SUSD6: variants seen among roughly 807,000 people sequenced by gnomAD.
SUSD6 encodes the protein sushi domain-containing protein 6.
In SUSD6, 16 loss-of-function variants were observed where a neutral mutation model predicts 28.4. That is an observed-to-expected ratio of 0.56 (90% CI 0.38 to 0.86). The LOEUF is 0.86. SUSD6 is among the 40% of genes least tolerant of loss of function. The pLI, the probability that SUSD6 is intolerant of heterozygous loss-of-function variation, is 0.00. For missense variants in SUSD6, 341 were observed against 384.2 expected (o/e 0.89, Z 0.94); for synonymous variants, 147 against 159.6 (o/e 0.92, Z 0.59).
In SUSD6 at chr14:69,702,006, A is replaced by AG. The variant is rs1254168485; in HGVS notation, c.122-1387dup. On this transcript the variant is annotated intron_variant, in intron 2 of 5. Transcript: ENST00000342745. ...TGGAAAGAAGAGGCATGGGTGAGAG[A>AG]GGCTGTGAGGGCACAGCTGCAGGGT... Among the ~76,000 whole-genome samples, 18 of 152,184 alleles carry AG rather than the reference A, an allele frequency of 1.2e-4. 1 individual carries two copies. The Middle Eastern group carries it at 0.017, about 144-fold the overall frequency.
chr14:69,648,594 G>A (rs1463116881), intron 1 of SUSD6, among the ~76,000 whole-genome samples: 1 of 152,208 alleles, frequency 6.6e-6, no homozygotes, highest in African/African-American at 2.4e-5. Flanking sequence ...GAATGTAGCA[G>A]AAGGCCTGAG....
At chr14:69,675,049 C>A (rs1420693649) in intron 2 of SUSD6, among the ~76,000 whole-genome samples, 1 of 152,106 alleles carries the variant, frequency 6.6e-6, no homozygotes. Context: ...CCCCCCCACC[C>A]CTCTGCTTTA....
intron 1 of SUSD6, among the ~76,000 whole-genome samples, chr14:69,616,375 C>T (rs1595027829): frequency 6.6e-6 from 1 of 152,158 alleles, no homozygotes; most frequent in African/African-American, 2.4e-5. Context: ...TGTGGAATTG[C>T]CCTTTATGTA....
In SUSD6 at chr14:69,692,676, A is replaced by G. The variant is rs1163611048; in HGVS notation, c.122-10719A>G. On this transcript the variant is annotated intron_variant, in intron 2 of 5. Coordinates refer to ENST00000342745, the MANE Select transcript of SUSD6 (RefSeq NM_014734.4). ...TGTGTTTCTTGAGGCCCTGCTGTGT[A>G]TGCCTGGGACTGTACTTGGCATTAG... Among the ~76,000 whole-genome samples, 5 of 152,178 alleles carry G rather than the reference A, an allele frequency of 3.3e-5. No homozygotes were observed. The East Asian group carries it at 5.8e-4, about 18-fold the overall frequency.
rs962520496 is a variant in SUSD6 at position 69,711,405 on chromosome 14, C to T, written c.*426C>T. On this transcript the variant is annotated 3_prime_UTR_variant, in exon 6 of 6. Transcript: ENST00000342745. Reference sequence around the variant, plus strand: ...TGTCATGCAGACTTGTTGCTGTCCACAAGCCTTAGTGGCTGCACTGCTGCC... The same window carrying T: ...TGTCATGCAGACTTGTTGCTGTCCATAAGCCTTAGTGGCTGCACTGCTGCC... 8 of 200,066 alleles carry T rather than the reference C, an allele frequency of 4.0e-5. No homozygotes were observed. The highest frequency in any genetic ancestry group is 5.2e-5 in the Non-Finnish European group (5 of 96,736). The allele number at this position is 200,066 out of a possible 1,614,324, so 12.4% of individuals were successfully genotyped here.
chr14:69,673,685 A>G (rs74060268), intron 2 of SUSD6, among the ~76,000 whole-genome samples: 1,552 of 152,132 alleles, frequency 0.01, 27 homozygotes, highest in African/African-American at 0.035. Flanking sequence ...GATCATTTTC[A>G]TTTCCTATTC....
In SUSD6 at chr14:69,709,107, G is replaced by A; in HGVS notation, c.886+3G>A. On this transcript the variant is annotated splice_donor_region_variant and intron_variant, in intron 5 of 5. Coordinates refer to ENST00000342745, the MANE Select transcript of SUSD6 (RefSeq NM_014734.4). ...CACGTCAGAGGAGTACACAGATGGT[G>A]AGTGGTCCAAGCTGAACATGAATTA... 1 of 1,571,542 alleles carries A rather than the reference G, an allele frequency of 6.4e-7. No individual in the cohort carries two copies. The highest frequency in any genetic ancestry group is 8.6e-7 in the Non-Finnish European group (1 of 1,157,212).
At chr14:69,655,559 G>A (rs1885569810) in intron 1 of SUSD6, among the ~76,000 whole-genome samples, 1 of 152,106 alleles carries the variant, frequency 6.6e-6, no homozygotes, top group African/African-American at 2.4e-5. Flanking sequence ...CCCTTTGGGA[G>A]GCTGAGTTAG....
At chr14:69,636,627 C>T (rs1885270135) in intron 1 of SUSD6, among the ~76,000 whole-genome samples, 1 of 152,240 alleles carries the variant, frequency 6.6e-6, no homozygotes, top group Non-Finnish European at 1.5e-5. Context: ...TGCTTTCTGC[C>T]TCCTTTCCAG....
At chr14:69,627,767 A>G (rs1258398222) in intron 1 of SUSD6, among the ~76,000 whole-genome samples, 1 of 152,012 alleles carries the variant, frequency 6.6e-6, no homozygotes, top group Non-Finnish European at 1.5e-5. Context: ...CCCGGCCCAG[A>G]TGGTATTTCT....
intron 2 of SUSD6, among the ~76,000 whole-genome samples, chr14:69,669,940 G>A (rs1472422463): frequency 6.6e-6 from 1 of 152,146 alleles, no homozygotes; most frequent in Admixed American, 6.5e-5. Context: ...GAAAGGATTG[G>A]CCAGCTTTTT....
intron 1 of SUSD6, among the ~76,000 whole-genome samples, chr14:69,653,314 C>T (rs1289933294): frequency 1.3e-5 from 2 of 152,216 alleles, no homozygotes; most frequent in South Asian, 4.1e-4. Context: ...GAAATAAAAT[C>T]AGAACGGTGA....
At chr14:69,684,955 C>T (rs2139633107) in intron 2 of SUSD6, among the ~76,000 whole-genome samples, 1 of 152,300 alleles carries the variant, frequency 6.6e-6, no homozygotes, top group Admixed American at 6.5e-5. Flanking sequence ...ATATAAACTG[C>T]TCATACCACT....
intron 1 of SUSD6, among the ~76,000 whole-genome samples, chr14:69,647,084 C>CTGAA (rs935741981): frequency 3.3e-5 from 5 of 152,112 alleles, no homozygotes; most frequent in Admixed American, 3.3e-4. Context: ...ATCACAGGCA[C>CTGAA]TGAATGAATG....
At chr14:69,694,736 A>G (rs1449535788) in intron 2 of SUSD6, among the ~76,000 whole-genome samples, 2 of 152,212 alleles carry the variant, frequency 1.3e-5, no homozygotes, top group African/African-American at 4.8e-5. Context: ...GTGCAGTAAA[A>G]GAAAGTGCTT....
chr14:69,646,698 A>ATAT (rs1566594288), intron 1 of SUSD6, among the ~76,000 whole-genome samples: 4 of 58,324 alleles, frequency 6.9e-5, no homozygotes, highest in African/African-American at 2.0e-4. Flanking sequence ...TTTTTTTTCC[A>ATAT]TCTTTTTTTT....
chr14:69,649,309 CT>C (rs1466642017), intron 1 of SUSD6, among the ~76,000 whole-genome samples: 1 of 152,150 alleles, frequency 6.6e-6, no homozygotes, highest in Non-Finnish European at 1.5e-5. Flanking sequence ...AAGAAGTCAG[CT>C]TTAGCAAATC....
At chr14:69,616,288 G>C (rs1884959073) in intron 1 of SUSD6, among the ~76,000 whole-genome samples, 1 of 152,216 alleles carries the variant, frequency 6.6e-6, no homozygotes, top group South Asian at 2.1e-4. Flanking sequence ...GTAGAGGAGA[G>C]GGAATGTCTC....
chr14:69,616,697 G>GA (rs893699555), intron 1 of SUSD6, among the ~76,000 whole-genome samples: 2 of 151,538 alleles, frequency 1.3e-5, no homozygotes, highest in Non-Finnish European at 2.9e-5. Flanking sequence ...AAATAAAAGG[G>GA]AAAAAAAATC....
Sources: gnomAD v4.1 joint callset for allele counts (sites outside exome capture counted in the v4.1 genomes callset) on GRCh38, gnomAD v4.1.1 for gene constraint, MANE v1.5 for transcripts, NCBI Gene and HGNC (gene_info 2026-07-23, HGNC 2026-07-21) for gene names.